Variants in MCTP2 observed in about 807,000 individuals in gnomAD.
The protein encoded by MCTP2 is multiple C2 and transmembrane domain containing 2.
Under a neutral mutation model 111.6 loss-of-function variants are expected in MCTP2, and 132 were observed. The ratio of observed to expected loss-of-function variants is 1.18; its 90% confidence interval spans 1.03 to 1.37. The LOEUF is 1.37. Among genes scored for constraint, MCTP2 ranks in the 40% most tolerant of loss-of-function variants. MCTP2 has a pLI of 0.00. For synonymous variants in MCTP2, 395 were observed against 387.7 expected, an observed-to-expected ratio of 1.02 and a Z score of -0.22; for missense variants, 1,183 against 1,067.9, an observed-to-expected ratio of 1.11 and a Z score of -1.50.
At chr15:94,471,548 T>C (rs2073928253) in intron 21 of MCTP2, among the ~76,000 whole-genome samples, 2 of 152,120 alleles carry the variant, frequency 1.3e-5, no homozygotes, top group Admixed American at 6.5e-5. Flanking sequence ...AGTAGAATGA[T>C]TTAGGGATTT....
Position 94,264,222 on chromosome 15 carries a change from G to C in MCTP2, c.-66+32558G>C, listed in dbSNP as rs568656155. On this transcript the variant is annotated intron_variant, in intron 1 of 22. Coordinates refer to ENST00000357742, the MANE Select transcript of MCTP2 (RefSeq NM_001385001.1). The stretch of plus-strand genomic sequence containing the variant: ...AGAAAGTGGGCTCTGGTTTCAGATG[G>C]CCTAGGATTAAATCCTGCTCTATCA... Among the ~76,000 whole-genome samples the C allele has an allele frequency of 1.3e-4, 20 of 152,262 alleles. 1 individual carries two copies. The South Asian group carries it at 3.7e-3, about 28-fold the overall frequency.
At chr15:94,302,574 G>C (rs1398613420) in intron 2 of MCTP2, among the ~76,000 whole-genome samples, 2 of 151,656 alleles carry the variant, frequency 1.3e-5, no homozygotes, top group East Asian at 1.9e-4. Context: ...GATTTAGCCA[G>C]ACTCTCTCTT....
chr15:94,248,579 A>G (rs2072182700), intron 1 of MCTP2, among the ~76,000 whole-genome samples: 1 of 152,168 alleles, frequency 6.6e-6, no homozygotes, highest in African/African-American at 2.4e-5. Context: ...TGTTGCTTTT[A>G]GCTCTCTGTA....
rs137865313 is a variant in MCTP2 at position 94,455,572 on chromosome 15, C to T, written c.2251-2565C>T. On this transcript the variant is annotated intron_variant, in intron 19 of 22. Transcript: ENST00000357742. ...CCTGCCTCAGCTTGGACTGCAAGCA[C>T]GCGCCACCATGCCCAGCTAATTTTT... Among the ~76,000 whole-genome samples the T allele has an allele frequency of 5.0e-3, 753 of 152,080 alleles. 4 individuals are homozygous for T. Among genetic ancestry groups the T allele is most frequent in the African/African-American group, 0.016 (683 of 41,496 alleles).
chr15:94,284,051 A>G (rs2074629670), intron 1 of MCTP2, among the ~76,000 whole-genome samples: 1 of 152,218 alleles, frequency 6.6e-6, no homozygotes, highest in Non-Finnish European at 1.5e-5. Context: ...AGGAATATAA[A>G]TTAATATACC....
intron 17 of MCTP2, among the ~76,000 whole-genome samples, chr15:94,404,405 G>T (rs766692961): frequency 6.6e-6 from 1 of 150,724 alleles, no homozygotes; most frequent in African/African-American, 2.4e-5. Flanking sequence ...GGGTTCAAGC[G>T]ATTCTTCTCC....
intron 1 of MCTP2, among the ~76,000 whole-genome samples, chr15:94,244,644 AAACG>A (rs2071598492): frequency 1.3e-5 from 2 of 148,212 alleles, no homozygotes; most frequent in African/African-American, 5.1e-5. Context: ...CTATGTTTAT[AAACG>A]TATATGTATA....
At chr15:94,393,919 G>A (rs910140913) in intron 14 of MCTP2, among the ~76,000 whole-genome samples, 7 of 151,582 alleles carry the variant, frequency 4.6e-5, no homozygotes, top group Non-Finnish European at 8.8e-5. Flanking sequence ...GCGTGGTGGC[G>A]TGCTTCTGTA....
intron 20 of MCTP2, 125 bp from the exon 21 acceptor site, chr15:94,470,208 A>G: frequency 1.4e-6 from 1 of 691,716 alleles, no homozygotes; most frequent in Non-Finnish European, 2.4e-6. Context: ...GGTTTTTAAC[A>G]AAATTTTTCC....
chr15:94,464,469 G>A (rs1295212786), intron 20 of MCTP2, among the ~76,000 whole-genome samples: 1 of 140,966 alleles, frequency 7.1e-6, no homozygotes, highest in African/African-American at 2.6e-5. Flanking sequence ...CTTTCTTCTT[G>A]ACAGGGATTT....
At chr15:94,283,245 C>T (rs1279374529) in intron 1 of MCTP2, among the ~76,000 whole-genome samples, 1 of 152,164 alleles carries the variant, frequency 6.6e-6, no homozygotes, top group East Asian at 1.9e-4. Flanking sequence ...GGCCAGCAGA[C>T]AGGTGGAACA....
rs149133063 is a variant in MCTP2 at position 94,298,405 on chromosome 15, G to A, written c.140G>A (p.Arg47His). Residue 47 changes from arginine (R) to histidine (H), a missense_variant, in exon 2 of 23, where the codon CGT (arginine) becomes CAT (histidine). By Grantham distance (29) the Arg-to-His change is conservative. Coordinates refer to ENST00000357742, the MANE Select transcript of MCTP2 (RefSeq NM_001385001.1). The stretch of plus-strand genomic sequence containing the variant: ...CGGGCAAGGCATCACTTGGACCGCC[G>A]TCTCAGCCTCTCTGTGCCTGATCTC... Reference protein sequence around the residue: ...DLRARHHLDRRLSLSVPDLLE... With the variant: ...DLRARHHLDRHLSLSVPDLLE... 780 of 1,614,164 alleles carry A rather than the reference G, an allele frequency of 4.8e-4. 1 individual carries two copies. The highest frequency in any genetic ancestry group is 4.1e-4 in the Non-Finnish European group (481 of 1,180,028).
chr15:94,302,550 C>T (rs1201547534), intron 2 of MCTP2, among the ~76,000 whole-genome samples: 1 of 152,192 alleles, frequency 6.6e-6, no homozygotes, highest in Non-Finnish European at 1.5e-5. Flanking sequence ...AGAAAGGATA[C>T]ATCCGTGGAA....
chr15:94,294,496 C>T (rs757296187), intron 1 of MCTP2, among the ~76,000 whole-genome samples: 18 of 152,106 alleles, frequency 1.2e-4, no homozygotes, highest in South Asian at 1.0e-3. Context: ...ACCAGTAATA[C>T]GTGCATTCCT....
chr15:94,427,095 T>C (rs1419479224), intron 17 of MCTP2, among the ~76,000 whole-genome samples: 2 of 152,296 alleles, frequency 1.3e-5, no homozygotes, highest in East Asian at 1.9e-4. Context: ...TAAGGAGAAA[T>C]GAATGTAGAA....
intron 1 of MCTP2, among the ~76,000 whole-genome samples, chr15:94,252,013 G>A (rs757568846): frequency 6.6e-6 from 1 of 152,056 alleles, no homozygotes; most frequent in African/African-American, 2.4e-5. Context: ...TGTATTTATC[G>A]CATTTTGTTC....
At chr15:94,247,623 C>T (rs555936801) in intron 1 of MCTP2, among the ~76,000 whole-genome samples, 20 of 152,124 alleles carry the variant, frequency 1.3e-4, no homozygotes, top group South Asian at 1.0e-3. Flanking sequence ...ATAAAACGGG[C>T]GCATCCTCAC....
chr15:94,369,997 A>T (rs1257296193), intron 11 of MCTP2, 90 bp from the exon 12 acceptor site: 1 of 694,956 alleles, frequency 1.4e-6, no homozygotes, highest in Non-Finnish European at 2.2e-6. Context: ...AAAGGAAGAT[A>T]AATCTAGGAT....
At position 94,409,887 on chromosome 15, in the gene MCTP2, C is replaced by T. The variant is rs148861859; in HGVS notation, c.2085+7868C>T. Among the ~76,000 whole-genome samples the T allele has an allele frequency of 4.0e-3, 589 of 146,836 alleles. 4 individuals carry two copies. The highest frequency in any genetic ancestry group is 0.01 in the Middle Eastern group (3 of 286). The stretch of plus-strand genomic sequence containing the variant: ...CCTTCCTTTCCCCCTCCCTTTCCCC[C>T]TCCCTCCCTCTCTCTCTCTCTCCTT... On this transcript the variant is annotated intron_variant, in intron 17 of 22. Transcript: ENST00000357742.
Sources: gnomAD v4.1 joint callset for allele counts (sites outside exome capture counted in the v4.1 genomes callset) on GRCh38, gnomAD v4.1.1 for gene constraint, MANE v1.5 for transcripts, NCBI Gene and HGNC (gene_info 2026-07-23, HGNC 2026-07-21) for gene names.